PEX5L: variants seen among roughly 807,000 people sequenced by gnomAD.
PEX5L encodes the protein PEX5-related protein.
A neutral mutation model predicts 84.0 loss-of-function variants in PEX5L; 30 were observed. The observed-to-expected ratio is 0.36, with a 90% confidence interval of 0.27 to 0.48. The LOEUF (loss-of-function observed/expected upper bound fraction) is 0.48. PEX5L is among the 20% of genes least tolerant of loss of function. The probability of loss-of-function intolerance (pLI) is 0.99; values close to 1 mark genes in which losing one functional copy is unlikely to be tolerated. For missense variants in PEX5L, 533 were observed against 754.6 expected, an observed-to-expected ratio of 0.71 and a Z score of 3.44; for synonymous variants, 270 against 283.1, an observed-to-expected ratio of 0.95 and a Z score of 0.46.
chr3:179,807,074 G>C (rs1721584712), intron 14 of PEX5L, among the ~76,000 whole-genome samples: 1 of 152,180 alleles, frequency 6.6e-6, no homozygotes, highest in African/African-American at 2.4e-5. Context: ...CTAGGCCCTG[G>C]TAATGGGAAA....
intron 3 of PEX5L, among the ~76,000 whole-genome samples, chr3:179,897,546 T>C (rs1297283365): frequency 6.6e-6 from 1 of 152,146 alleles, no homozygotes; most frequent in African/African-American, 2.4e-5. Context: ...ATAATAGAGA[T>C]GACATTTTTG....
chr3:179,961,229 GTT>G, intron 2 of PEX5L, among the ~76,000 whole-genome samples: 1 of 149,376 alleles, frequency 6.7e-6, no homozygotes, highest in Non-Finnish European at 1.5e-5. Context: ...GTGTGTGTGT[GTT>G]TCCTAGATCA....
At chr3:179,847,356 C>T (rs1478931427) in intron 8 of PEX5L, among the ~76,000 whole-genome samples, 1 of 151,872 alleles carries the variant, frequency 6.6e-6, no homozygotes, top group Non-Finnish European at 1.5e-5. Flanking sequence ...CACTGGAGAA[C>T]CCCGACTAAT....
chr3:179,831,606 C>T (rs1732973988), intron 8 of PEX5L, among the ~76,000 whole-genome samples: 1 of 152,074 alleles, frequency 6.6e-6, no homozygotes, highest in African/African-American at 2.4e-5. Context: ...TAGACAGATG[C>T]AATACAGCAT....
intron 1 of PEX5L, among the ~76,000 whole-genome samples, chr3:179,999,792 G>A (rs1422082731): frequency 1.3e-5 from 2 of 152,174 alleles, no homozygotes; most frequent in Non-Finnish European, 2.9e-5. Flanking sequence ...GTGGCAGTGG[G>A]CTCATGCTCA....
intron 8 of PEX5L, among the ~76,000 whole-genome samples, chr3:179,828,693 A>T (rs1003566103): frequency 4.0e-5 from 6 of 151,202 alleles, no homozygotes; most frequent in Non-Finnish European, 7.4e-5. Context: ...GTGTGTGTTT[A>T]GGGTTCTCTA....
At position 179,980,495 on chromosome 3, in the gene PEX5L, G is replaced by A. The variant is rs562630456; in HGVS notation, c.22-8830C>T. 2.9e-4 allele frequency among the ~76,000 whole-genome samples: 44 copies of A among 152,088 alleles called. 1 individual carries two copies. In the South Asian group the frequency reaches 4.8e-3, roughly 17 times the overall value. On this transcript the variant is annotated intron_variant, in intron 1 of 14. Coordinates refer to ENST00000467460, the MANE Select transcript of PEX5L (RefSeq NM_016559.3). ...AACATCACAATTCTTGTCATTTCTC[G>A]ATCAGTCTCCTTATGGCTTCTTTTG... is the stretch of plus-strand genomic sequence containing the variant.
intron 8 of PEX5L, among the ~76,000 whole-genome samples, chr3:179,840,329 T>C (rs1262372897): frequency 1.3e-5 from 2 of 151,670 alleles, no homozygotes; most frequent in Non-Finnish European, 2.9e-5. Context: ...GCTGGGATTA[T>C]AGGCATGTGC....
chr3:179,947,258 A>C (rs2109897376), intron 2 of PEX5L, among the ~76,000 whole-genome samples: 1 of 152,288 alleles, frequency 6.6e-6, no homozygotes, highest in East Asian at 1.9e-4. Context: ...TGAAACTTAA[A>C]AGATAGAAAG....
At chr3:179,934,332 T>C (rs923088917) in intron 2 of PEX5L, among the ~76,000 whole-genome samples, 21 of 152,242 alleles carry the variant, frequency 1.4e-4, no homozygotes, top group African/African-American at 5.1e-4. Context: ...GGGATTAAGC[T>C]AAATGTCTGT....
intron 2 of PEX5L, among the ~76,000 whole-genome samples, chr3:179,961,912 G>C (rs1315008314): frequency 8.8e-6 from 1 of 113,338 alleles, no homozygotes; most frequent in Non-Finnish European, 1.9e-5. Context: ...CAGTTGAGGG[G>C]GAGATGATAA....
intron 2 of PEX5L, among the ~76,000 whole-genome samples, chr3:179,918,471 A>T (rs1768049593): frequency 6.6e-6 from 1 of 152,208 alleles, no homozygotes; most frequent in African/African-American, 2.4e-5. Flanking sequence ...ATTCTTGAAG[A>T]CATTGTGGCA....
intron 2 of PEX5L, among the ~76,000 whole-genome samples, chr3:179,946,340 T>C (rs1189156277): frequency 6.6e-6 from 1 of 152,086 alleles, no homozygotes; most frequent in East Asian, 1.9e-4. Context: ...CTGTGAAGAA[T>C]AAAGGAAATA....
chr3:179,953,395 C>A (rs187391657), intron 2 of PEX5L, among the ~76,000 whole-genome samples: 2 of 152,212 alleles, frequency 1.3e-5, no homozygotes, highest in Admixed American at 1.3e-4. Flanking sequence ...GGAACTTAAA[C>A]AAATTTACAA....
intron 2 of PEX5L, among the ~76,000 whole-genome samples, chr3:179,961,189 T>TTG (rs1491302387): frequency 4.3e-4 from 62 of 144,844 alleles, no homozygotes; most frequent in African/African-American, 1.5e-3. Context: ...GAATGATCAC[T>TTG]TGTGTATGTG....
At chr3:179,893,549 C>G (rs1199271073) in intron 3 of PEX5L, among the ~76,000 whole-genome samples, 1 of 152,026 alleles carries the variant, frequency 6.6e-6, no homozygotes, top group Non-Finnish European at 1.5e-5. Context: ...CTCAAAGTTT[C>G]TGATAACATA....
chr3:179,882,939 A>C (rs1754596801), intron 4 of PEX5L, among the ~76,000 whole-genome samples: 1 of 152,162 alleles, frequency 6.6e-6, no homozygotes, highest in Admixed American at 6.5e-5. Flanking sequence ...AATTAAAAAA[A>C]TTAAAAAAAA....
chr3:179,827,634 T>C (rs1393022974), intron 8 of PEX5L, among the ~76,000 whole-genome samples: 1 of 152,150 alleles, frequency 6.6e-6, no homozygotes, highest in Non-Finnish European at 1.5e-5. Context: ...TTTTACTACT[T>C]TAGGCCAGAG....
chr3:179,976,896 GA>G (rs892219711), intron 1 of PEX5L, among the ~76,000 whole-genome samples: 1 of 150,798 alleles, frequency 6.6e-6, no homozygotes, highest in Non-Finnish European at 1.5e-5. Flanking sequence ...GAAGGAACTA[GA>G]AAAAAAAAGT....
Sources: gnomAD v4.1 joint callset for allele counts (sites outside exome capture counted in the v4.1 genomes callset) on GRCh38, gnomAD v4.1.1 for gene constraint, MANE v1.5 for transcripts, NCBI Gene and HGNC (gene_info 2026-07-23, HGNC 2026-07-21) for gene names.